CCDC7: variants seen among roughly 807,000 people sequenced by gnomAD.
CCDC7 encodes coiled-coil domain-containing protein 7.
In CCDC7, 183 loss-of-function variants were observed where a neutral mutation model predicts 196.9. That is an observed-to-expected ratio of 0.93 (90% CI 0.82 to 1.05). CCDC7 has a LOEUF of 1.05. CCDC7 is among the 50% of genes least tolerant of loss of function. CCDC7 has a pLI of 0.00. For missense variants in CCDC7, 1,540 were observed against 1,482.2 expected (o/e 1.04, Z -0.64); for synonymous variants, 525 against 484.6 (o/e 1.08, Z -1.10).
chr10:32,478,891 G>A (rs1159712344), intron 8 of CCDC7, among the ~76,000 whole-genome samples: 1 of 152,082 alleles, frequency 6.6e-6, no homozygotes, highest in Non-Finnish European at 1.5e-5. Flanking sequence ...TAATTTCTTA[G>A]TTAAATTTTG....
intron 28 of CCDC7, among the ~76,000 whole-genome samples, chr10:32,766,656 G>A (rs2078351528): frequency 6.6e-6 from 1 of 152,056 alleles, no homozygotes; most frequent in African/African-American, 2.4e-5. Flanking sequence ...AAGTTGCCAA[G>A]CAATCTGAGC....
intron 28 of CCDC7, among the ~76,000 whole-genome samples, chr10:32,767,041 C>T (rs2078424573): frequency 6.6e-6 from 1 of 152,072 alleles, no homozygotes; most frequent in Non-Finnish European, 1.5e-5. Flanking sequence ...CTGCCAGGCT[C>T]TTTTCAACAA....
intron 39 of CCDC7, among the ~76,000 whole-genome samples, chr10:32,850,231 C>T (rs1344078512): frequency 6.6e-6 from 1 of 152,128 alleles, no homozygotes; most frequent in Non-Finnish European, 1.5e-5. Context: ...CTTGGAGCTA[C>T]TTTGCAAAGC....
chr10:32,703,555 T>C (rs1452576371), intron 24 of CCDC7, among the ~76,000 whole-genome samples: 1 of 152,084 alleles, frequency 6.6e-6, no homozygotes, highest in East Asian at 1.9e-4. Context: ...AATTTGAATG[T>C]TGGCCTGCCT....
intron 9 of CCDC7, among the ~76,000 whole-genome samples, chr10:32,499,596 T>G (rs991545625): frequency 1.4e-5 from 2 of 140,844 alleles, no homozygotes; most frequent in African/African-American, 5.0e-5. Context: ...TCTTTCTTTT[T>G]TATTTTTTTA....
intron 18 of CCDC7, among the ~76,000 whole-genome samples, chr10:32,625,550 AAC>A (rs2063929905): frequency 6.6e-6 from 1 of 152,068 alleles, no homozygotes; most frequent in African/African-American, 2.4e-5. Flanking sequence ...AAAGCTAATT[AAC>A]ACATCCATCA....
chr10:32,624,854 G>C (rs1469628038), intron 18 of CCDC7, among the ~76,000 whole-genome samples: 1 of 151,560 alleles, frequency 6.6e-6, no homozygotes, highest in Admixed American at 6.6e-5. Flanking sequence ...TGGATTATTT[G>C]GGTTTTAGTG....
chr10:32,652,178 T>C (rs992269114), intron 20 of CCDC7, among the ~76,000 whole-genome samples: 1 of 152,202 alleles, frequency 6.6e-6, no homozygotes, highest in African/African-American at 2.4e-5. Flanking sequence ...TTGATTTATA[T>C]TTTTAAAATA....
chr10:32,807,510 G>A (rs957682023), intron 30 of CCDC7, among the ~76,000 whole-genome samples: 8 of 151,948 alleles, frequency 5.3e-5, no homozygotes, highest in East Asian at 1.9e-4. Flanking sequence ...CAAATAGATC[G>A]TCTAATCAGG....
rs578242418 is a variant in CCDC7 at position 32,817,641 on chromosome 10, A to C, written c.3181+3188A>C. 3.6e-4 allele frequency among the ~76,000 whole-genome samples: 55 copies of C among 152,368 alleles called. No individual in the cohort carries two copies. The Middle Eastern group carries it at 0.014, about 38-fold the overall frequency. ...CCATCAGACTAACAGCTGATCTCTC[A>C]GCAGAAACTCTACAAGCCAGAAGAG... On this transcript the variant is annotated intron_variant, in intron 31 of 41. Transcript: ENST00000639629.
At chr10:32,756,300 A>G (rs2076428436) in intron 28 of CCDC7, among the ~76,000 whole-genome samples, 1 of 152,218 alleles carries the variant, frequency 6.6e-6, no homozygotes. Flanking sequence ...CAAGACACAT[A>G]ATTGACAGAT....
intron 29 of CCDC7, among the ~76,000 whole-genome samples, chr10:32,804,006 C>T (rs1304966954): frequency 6.6e-6 from 1 of 151,976 alleles, no homozygotes; most frequent in Non-Finnish European, 1.5e-5. Flanking sequence ...ATAAATTTCC[C>T]ACTAATAACT....
intron 18 of CCDC7, among the ~76,000 whole-genome samples, chr10:32,594,929 A>C (rs2060163917): frequency 1.3e-5 from 2 of 152,242 alleles, no homozygotes; most frequent in East Asian, 3.9e-4. Context: ...AAGCTTTTTG[A>C]TGTGCTGCTG....
rs185470998 is a variant in CCDC7 at position 32,588,047 on chromosome 10, A to C, written c.1801+3743A>C. Among the ~76,000 whole-genome samples the C allele has an allele frequency of 1.2e-3, 176 of 152,290 alleles. 1 individual carries two copies. Among genetic ancestry groups the C allele is most frequent in the African/African-American group, 4.0e-3 (166 of 41,568 alleles). On this transcript the variant is annotated intron_variant, in intron 18 of 41. Coordinates refer to ENST00000639629, the Ensembl canonical transcript of CCDC7. ...ATCAAGAGAATGGGTCTTCTTTAAA[A>C]GCCAGTTTGTCTGTCTCTTGTGAGC... is the stretch of plus-strand genomic sequence containing the variant.
intron 11 of CCDC7, among the ~76,000 whole-genome samples, chr10:32,521,579 G>GT (rs796859388): frequency 0.015 from 2,063 of 139,138 alleles, 30 homozygotes; most frequent in African/African-American, 0.037. Flanking sequence ...AGTTCTAAGA[G>GT]TTTTTTTTTT....
chr10:32,662,008 A>G (rs2071574254), intron 20 of CCDC7, among the ~76,000 whole-genome samples: 2 of 152,100 alleles, frequency 1.3e-5, no homozygotes, highest in African/African-American at 4.8e-5. Context: ...CTTTTAGCCC[A>G]TGGTGGTAAG....
intron 18 of CCDC7, among the ~76,000 whole-genome samples, chr10:32,609,352 T>G (rs1049442201): frequency 2.0e-5 from 3 of 152,206 alleles, no homozygotes; most frequent in African/African-American, 7.2e-5. Context: ...CTGTTATTAT[T>G]ATGTAATGAT....
intron 28 of CCDC7, among the ~76,000 whole-genome samples, chr10:32,762,496 T>C (rs2077612353): frequency 6.6e-6 from 1 of 151,580 alleles, no homozygotes; most frequent in Non-Finnish European, 1.5e-5. Flanking sequence ...CTATAACTTC[T>C]ATGGAATCAC....
chr10:32,817,335 C>T (rs562914358), intron 31 of CCDC7, among the ~76,000 whole-genome samples: 47 of 152,240 alleles, frequency 3.1e-4, no homozygotes, highest in African/African-American at 1.1e-3. Flanking sequence ...TATGGGACTA[C>T]ATGAAAAGAC....
Sources: allele counts gnomAD v4.1 joint callset (sites outside exome capture counted in the v4.1 genomes callset), GRCh38; gene constraint gnomAD v4.1.1; transcripts MANE v1.5; gene names NCBI Gene and HGNC (gene_info 2026-07-23, HGNC 2026-07-21).